Variants in IRS2 observed in about 807,000 individuals in gnomAD.
The protein encoded by IRS2 is insulin receptor substrate 2.
Under a neutral mutation model 70.9 loss-of-function variants are expected in IRS2, and 28 were observed. That is an observed-to-expected ratio of 0.39 (90% confidence interval 0.29 to 0.54). IRS2 has a LOEUF of 0.54. IRS2 is among the 20% of genes least tolerant of loss of function. The pLI, the probability that IRS2 is intolerant of heterozygous loss-of-function variation, is 0.59. For synonymous variants in IRS2, 1,217 were observed against 981.9 expected (o/e 1.24, Z -4.48); for missense variants, 2,081 against 2,024.1 (o/e 1.03, Z -0.54).
At position 109,782,778 on chromosome 13, in the gene IRS2, C is replaced by T. The variant is rs1216633484; in HGVS notation, c.3276G>A (p.Lys1092=). 21 of 1,603,456 alleles carry T rather than the reference C, an allele frequency of 1.3e-5. No individual in the cohort carries two copies. Among genetic ancestry groups the T allele is most frequent in the Non-Finnish European group, 1.8e-5 (21 of 1,175,970 alleles). The change falls in exon 1 of 2, where the codon AAG becomes AAA. Residue 1092 remains lysine, a synonymous_variant. Transcript: ENST00000375856. ...GGCTGGCCACGCGGGCAGCTTCTGG[C>T]TTCGGGGGGGCCGCGATAGGTTGCG... The part of the protein sequence containing the change: ...TPPQPIAAPP[K]PEAARVASPT...
At chr13:109,764,436 C>A (rs907239396) in intron 1 of IRS2, among the ~76,000 whole-genome samples, 11 of 152,208 alleles carry the variant, frequency 7.2e-5, no homozygotes, top group African/African-American at 2.7e-4. Flanking sequence ...TCACAGGGAA[C>A]CTGTCAAATG....
chr13:109,762,499 G>A (rs1487396484), intron 1 of IRS2, among the ~76,000 whole-genome samples: 1 of 152,112 alleles, frequency 6.6e-6, no homozygotes, highest in Admixed American at 6.5e-5. Flanking sequence ...GGTGGGACAG[G>A]GCAGGAGCAG....
intron 1 of IRS2, among the ~76,000 whole-genome samples, chr13:109,763,222 A>G (rs1212990518): frequency 5.3e-5 from 8 of 152,230 alleles, no homozygotes; most frequent in Non-Finnish European, 7.3e-5. Flanking sequence ...AAAACACCAT[A>G]TATTTCCATC....
chr13:109,758,039 T>C (rs948387733), intron 1 of IRS2, among the ~76,000 whole-genome samples: 9 of 152,224 alleles, frequency 5.9e-5, no homozygotes, highest in Non-Finnish European at 1.2e-4. Context: ...GTAAACAATG[T>C]TCTGCCAATG....
chr13:109,762,551 T>G (rs1439036728), intron 1 of IRS2, among the ~76,000 whole-genome samples: 2 of 152,112 alleles, frequency 1.3e-5, no homozygotes, highest in African/African-American at 2.4e-5. Flanking sequence ...AGTGTCAACT[T>G]CCACAGTGAA....
chr13:109,756,282 G>A lies in IRS2; in HGVS notation c.*22C>T, dbSNP rs371919338. 1.3e-5 allele frequency: 20 copies of A among 1,599,924 alleles called. No individual in the cohort carries two copies. The highest frequency in any genetic ancestry group is 1.6e-5 in the Non-Finnish European group (19 of 1,167,056). On this transcript the variant is annotated 3_prime_UTR_variant, in exon 2 of 2. Coordinates refer to ENST00000375856, the MANE Select transcript of IRS2 (RefSeq NM_003749.3). ...GATACTCTCTGACATGTGACATCCT[G>A]GTGATAAAGCCAGACAGATCTTCAC... is the stretch of plus-strand genomic sequence containing the variant.
Position 109,784,565 on chromosome 13 carries a change from AGCCGGGGTC to A in IRS2, c.1480_1488del (p.Asp494_Gly496del). ...GAGCCGTACTCGTCCAGGGACATGA[AGCCGGGGTC>A]GCTGGGGGAGCCCGAGGCGGAGGCG... On this transcript the variant is annotated inframe_deletion, in exon 1 of 2. Transcript: ENST00000375856. The surrounding 1 kb of genome is among the most constrained non-coding windows in gnomAD (Gnocchi z 5.2). 7.1e-7 allele frequency: 1 copy of A among 1,410,768 alleles called. No individual in the cohort carries two copies. Among genetic ancestry groups the A allele is most frequent in the Non-Finnish European group, 9.2e-7 (1 of 1,087,550 alleles). 87.4% of individuals were successfully genotyped at this position (1,410,768 alleles called of 1,614,324 possible).
Position 109,784,918 on chromosome 13 carries a change from C to CCCGCGGCCG in IRS2, c.1127_1135dup (p.Ala376_Ala378dup). 1.9e-6 allele frequency: 2 copies of CCCGCGGCCG among 1,042,796 alleles called. No individual in the cohort carries two copies. The highest frequency in any genetic ancestry group is 2.3e-6 in the Non-Finnish European group (2 of 869,492). The allele number at this position is 1,042,796 out of a possible 1,614,324, so 64.6% of individuals were successfully genotyped here. On this transcript the variant is annotated inframe_insertion, in exon 1 of 2. Coordinates refer to ENST00000375856, the MANE Select transcript of IRS2 (RefSeq NM_003749.3). The surrounding 1 kb of genome is among the most constrained non-coding windows in gnomAD (Gnocchi z 5.2). Reference sequence around the variant, plus strand: ...CCCAGCCACCGACACCGGCCTGGCGCCCGCGGCCGCCGCTCCCGCCGCCGC... The same window carrying CCCGCGGCCG: ...CCCAGCCACCGACACCGGCCTGGCGCCCGCGGCCGCCGCGGCCGCCGCTCCCGCCGCCGC...
chr13:109,781,602 G>C (rs1055368487), intron 1 of IRS2, among the ~76,000 whole-genome samples: 2 of 152,228 alleles, frequency 1.3e-5, no homozygotes, highest in Non-Finnish European at 2.9e-5. Flanking sequence ...CCAGCTCCAG[G>C]AACACAGGGA....
At chr13:109,779,006 C>T (rs1877639070) in intron 1 of IRS2, among the ~76,000 whole-genome samples, 1 of 138,074 alleles carries the variant, frequency 7.2e-6, no homozygotes, top group South Asian at 2.3e-4. Context: ...CATGCACACA[C>T]ACCAAAAACA....
rs575229090 is a variant in IRS2, at chr13:109,774,495, C to T, written c.4012+7547G>A. ...GGAAGAAAAAGGGGGAGATGATTAA[C>T]TATCACTCCAGCAAAATATTAACTT... On this transcript the variant is annotated intron_variant, in intron 1 of 1. Coordinates refer to ENST00000375856, the MANE Select transcript of IRS2 (RefSeq NM_003749.3). Among the ~76,000 whole-genome samples, 7 of 152,262 alleles carry T rather than the reference C, an allele frequency of 4.6e-5. 1 individual carries two copies. In the South Asian group the frequency reaches 1.5e-3, roughly 32 times the overall value.
chr13:109,784,025 G>A lies in IRS2; in HGVS notation c.2029C>T (p.Pro677Ser), dbSNP rs777969422. Residue 677 changes from proline to serine, a missense_variant, in exon 1 of 2, where the codon CCC (proline) becomes TCC (serine). Physicochemically the swap from Pro to Ser is moderately conservative, Grantham distance 74. Around this residue, in one of 4 missense-constraint regions of IRS2, gnomAD observed 1,615 missense variants for 1,459.5 expected, o/e 1.11. Coordinates refer to ENST00000375856, the MANE Select transcript of IRS2 (RefSeq NM_003749.3). This position sits in a 1 kb window ranked among gnomAD's most constrained non-coding sequence, Gnocchi z 5.2. ...SGSCRSDDYM[P>S]MSPASVSAPK... Reference sequence around the variant, plus strand: ...GCGGACACGCTGGCGGGGCTCATGGGCATGTAGTCGTCGCTCCTGCAGCTG... The same window carrying A: ...GCGGACACGCTGGCGGGGCTCATGGACATGTAGTCGTCGCTCCTGCAGCTG... 2 of 1,539,230 alleles carry A rather than the reference G, an allele frequency of 1.3e-6. No homozygotes were observed. The highest frequency in any genetic ancestry group is 2.4e-5 in the East Asian group (1 of 41,168).
Position 109,784,499 on chromosome 13 carries a change from T to C in IRS2, c.1555A>G (p.Asn519Asp). Residue 519 changes from asparagine to aspartate, a missense_variant, in exon 1 of 2, where the codon AAC (asparagine) becomes GAC (aspartate). Coordinates refer to ENST00000375856, the MANE Select transcript of IRS2 (RefSeq NM_003749.3). The surrounding 1 kb of genome is among the most constrained non-coding windows in gnomAD (Gnocchi z 5.2). ...GTCTCCGCGATGGACTCGGGCGTGT[T>C]GCTTCGGTGGCTGCAGAAGGCGCGC... ...DLRAFCSHRS[N>D]TPESIAETPP... 1.3e-6 allele frequency: 2 copies of C among 1,559,510 alleles called. No individual in the cohort carries two copies. The highest frequency in any genetic ancestry group is 1.7e-6 in the Non-Finnish European group (2 of 1,152,552).
Position 109,783,081 on chromosome 13 carries a change from C to G in IRS2, c.2973G>C (p.Pro991=), listed in dbSNP as rs772378244. 2 of 1,382,864 alleles carry G rather than the reference C, an allele frequency of 1.4e-6. No individual in the cohort carries two copies. Among genetic ancestry groups the G allele is most frequent in the South Asian group, 1.7e-5 (1 of 58,558 alleles). The allele number at this position is 1,382,864 out of a possible 1,614,324, so 85.7% of individuals were successfully genotyped here. The change falls in exon 1 of 2, where the codon CCG becomes CCC. Residue 991 remains proline (P), a synonymous_variant. Coordinates refer to ENST00000375856, the MANE Select transcript of IRS2 (RefSeq NM_003749.3). The stretch of plus-strand genomic sequence containing the variant: ...CCACGGGGTGGCCGCTCGGGGCGCC[C>G]GGCTTAGGAGACTTGGGGGAGCTGA... ...LDFSSPKSPK[P]GAPSGHPVGS... is the part of the protein sequence containing the mutation.
At position 109,754,496 on chromosome 13, in the gene IRS2, C is replaced by T. The variant is rs912479555; in HGVS notation, c.*1808G>A. ...CAAATACCACCCATTGATGCCTATT[C>T]CCAAAACTAAATAAAAACTTCAGGA... is the stretch of plus-strand genomic sequence containing the variant. On this transcript the variant is annotated 3_prime_UTR_variant, in exon 2 of 2. Transcript: ENST00000375856. The T allele has an allele frequency of 2.3e-5, 4 of 175,196 alleles. No homozygotes were observed. Among genetic ancestry groups the T allele is most frequent in the African/African-American group, 1.2e-4 (4 of 33,426 alleles). 10.9% of individuals were successfully genotyped at this position (175,196 alleles called of 1,614,324 possible).
At chr13:109,779,096 C>A (rs1448694845) in intron 1 of IRS2, among the ~76,000 whole-genome samples, 1 of 152,140 alleles carries the variant, frequency 6.6e-6, no homozygotes, top group Non-Finnish European at 1.5e-5. Context: ...ACAGATGTAC[C>A]TGAGATATAC....
chr13:109,760,891 C>A (rs1352217479), intron 1 of IRS2, among the ~76,000 whole-genome samples: 1 of 152,174 alleles, frequency 6.6e-6, no homozygotes, highest in East Asian at 1.9e-4. Context: ...GAGCTGGGCA[C>A]CATGACTGCA....
At chr13:109,772,786 C>G (rs984127077) in intron 1 of IRS2, among the ~76,000 whole-genome samples, 8 of 150,254 alleles carry the variant, frequency 5.3e-5, no homozygotes, top group African/African-American at 2.0e-4. Context: ...AGCTCCGCTT[C>G]CCGGGTTCAC....
chr13:109,782,793 G>A lies in IRS2; in HGVS notation c.3261C>T (p.Ile1087=), dbSNP rs1877753918. Residue 1087 remains isoleucine (I), a synonymous_variant, in exon 1 of 2, where the codon ATC becomes ATT. Coordinates refer to ENST00000375856, the MANE Select transcript of IRS2 (RefSeq NM_003749.3). ...FGVAATPPQP[I]AAPPKPEAAR... is the part of the protein sequence containing the mutation. ...CAGCTTCTGGCTTCGGGGGGGCCGC[G>A]ATAGGTTGCGGCGGGGTGGCGGCCA... 1.4e-5 allele frequency: 23 copies of A among 1,602,946 alleles called. No individual in the cohort carries two copies. The highest frequency in any genetic ancestry group is 2.0e-5 in the Non-Finnish European group (23 of 1,175,996).
Sources: gnomAD v4.1 joint callset for allele counts (sites outside exome capture counted in the v4.1 genomes callset) on GRCh38, gnomAD v4.1.1 for gene constraint, gnomAD v4.1.1 regional missense constraint, Gnocchi (gnomAD v3.1) non-coding constraint, MANE v1.5 for transcripts, NCBI Gene and HGNC (gene_info 2026-07-23, HGNC 2026-07-21) for gene names.